Variants in ZER1 observed in about 807,000 individuals in gnomAD.
ZER1 encodes zyg-11 related cell cycle regulator.
In ZER1, 11 loss-of-function variants were observed where a neutral mutation model predicts 78.8. The ratio of observed to expected loss-of-function variants is 0.14; its 90% CI spans 0.09 to 0.23. The LOEUF is 0.23. Among genes scored for constraint, ZER1 ranks in the 10% least tolerant of loss-of-function variants. The pLI, the probability that ZER1 is intolerant of heterozygous loss-of-function variation, is 1.00. For missense variants in ZER1, 588 were observed against 996.9 expected, an observed-to-expected ratio of 0.59 and a Z score of 5.52; for synonymous variants, 400 against 407.0, an observed-to-expected ratio of 0.98 and a Z score of 0.21.
rs765010330 is a variant in ZER1, at chr9:128,731,408, G to A, written c.2244-14C>T. The A allele has an allele frequency of 1.9e-6, 3 of 1,609,732 alleles. No individual in the cohort carries two copies. The highest frequency in any genetic ancestry group is 2.7e-5 in the African/African-American group (2 of 74,718). ...TCAATCACCTTGCTGGAGACAATGG[G>A]GGAGACAGGATTGGAGGGTGGGCTT... On this transcript the variant is annotated splice_polypyrimidine_tract_variant and intron_variant, in intron 15 of 15. Transcript: ENST00000291900.
Position 128,740,076 on chromosome 9 carries a change from T to C in ZER1, c.1897A>G (p.Asn633Asp). 6.2e-7 allele frequency: 1 copy of C among 1,613,428 alleles called. No homozygotes were observed. Among genetic ancestry groups the C allele is most frequent in the Non-Finnish European group, 8.5e-7 (1 of 1,179,482 alleles). Residue 633 changes from asparagine (N) to aspartate (D), a missense_variant, in exon 13 of 16, where the codon AAT (asparagine) becomes GAT (aspartate). Asn to Asp is a conservative substitution (Grantham distance 23). Around this residue, in one of 3 missense-constraint regions of ZER1, gnomAD observed 60 missense variants for 163.3 expected, o/e 0.37. Transcript: ENST00000291900. This position sits in a 1 kb window ranked among gnomAD's most constrained non-coding sequence, Gnocchi z 4.4. ...ATGTGGGAGAGGACGCCGCAGGCAT[T>C]GTAGGAAACCTCGATCCCATCGGCC... ...SKADGIEVSY[N>D]ACGVLSHIMF...
Position 128,753,157 on chromosome 9 carries a change from A to C in ZER1, c.746+7T>G. On this transcript the variant is annotated splice_region_variant and intron_variant, in intron 4 of 15. Coordinates refer to ENST00000291900, the MANE Select transcript of ZER1 (RefSeq NM_006336.4). This position sits in a 1 kb window ranked among gnomAD's most constrained non-coding sequence, Gnocchi z 7.5. ...CCACCCTGGTGAGCTCTGGGCCAGGAGCTCACCGCAGCTTGTGCAGCTGCA... is the reference window on the plus strand; with the variant it reads ...CCACCCTGGTGAGCTCTGGGCCAGGCGCTCACCGCAGCTTGTGCAGCTGCA... 1 of 1,526,078 alleles carries C rather than the reference A, an allele frequency of 6.6e-7. No individual in the cohort carries two copies. The highest frequency in any genetic ancestry group is 8.8e-7 in the Non-Finnish European group (1 of 1,133,782). 94.5% of individuals were successfully genotyped at this position (1,526,078 alleles called of 1,614,324 possible). A position where few individuals can be genotyped will look rare whatever the true frequency, so the allele number is the denominator to read the frequency against.
At chr9:128,735,908 A>G (rs1389738123) in intron 13 of ZER1, among the ~76,000 whole-genome samples, 2 of 148,470 alleles carry the variant, frequency 1.3e-5, no homozygotes, top group Admixed American at 6.8e-5. Context: ...CTCCTGAGTA[A>G]CTGAGACTAC....
chr9:128,747,231 A>G (rs1863523926), intron 8 of ZER1, among the ~76,000 whole-genome samples: 1 of 152,146 alleles, frequency 6.6e-6, no homozygotes, highest in Non-Finnish European at 1.5e-5. Flanking sequence ...ACACACACAT[A>G]CTGCCCCTGA....
chr9:128,742,769 G>A (rs762675056), intron 8 of ZER1, 24 bp from the exon 9 acceptor site: 2 of 1,579,680 alleles, frequency 1.3e-6, no homozygotes, highest in Non-Finnish European at 1.7e-6. Flanking sequence ...GGACACAAGT[G>A]GGGCACATTC....
intron 8 of ZER1, among the ~76,000 whole-genome samples, chr9:128,748,183 A>T (rs1589529219): frequency 6.6e-6 from 1 of 152,052 alleles, no homozygotes; most frequent in Non-Finnish European, 1.5e-5. Context: ...ACGCAGGCGG[A>T]TCATGAGGTC....
chr9:128,747,767 C>T (rs576579041), intron 8 of ZER1, among the ~76,000 whole-genome samples: 7 of 152,136 alleles, frequency 4.6e-5, no homozygotes, highest in Admixed American at 3.3e-4. Flanking sequence ...TACAGGCACC[C>T]GCCAGTATGC....
intron 1 of ZER1, among the ~76,000 whole-genome samples, chr9:128,769,031 C>T (rs190450323): frequency 2.0e-5 from 3 of 152,204 alleles, no homozygotes; most frequent in South Asian, 4.1e-4. Context: ...CCTCCCAAAG[C>T]GCTGGCAGTG....
In ZER1 at chr9:128,753,791, T is replaced by C. The variant is rs747818684; in HGVS notation, c.309+18A>G. The C allele has an allele frequency of 1.1e-5, 17 of 1,547,418 alleles. No individual in the cohort carries two copies. The Middle Eastern group carries it at 5.3e-4, about 49-fold the overall frequency. Reference sequence around the variant, plus strand: ...CTTGGTGTGGGCCCTCCTGGCGCTGTGGCGGGGCAGGTCTCACCTGCTTGC... The same window carrying C: ...CTTGGTGTGGGCCCTCCTGGCGCTGCGGCGGGGCAGGTCTCACCTGCTTGC... On this transcript the variant is annotated intron_variant, in intron 3 of 15. Transcript: ENST00000291900. This position sits in a 1 kb window ranked among gnomAD's most constrained non-coding sequence, Gnocchi z 7.5.
chr9:128,765,667 C>T (rs190001922), intron 1 of ZER1, among the ~76,000 whole-genome samples: 2 of 152,240 alleles, frequency 1.3e-5, no homozygotes, highest in Admixed American at 6.5e-5. Context: ...GAAATATTAA[C>T]CTAGGAGCTG....
At chr9:128,735,605 G>GCC in intron 13 of ZER1, among the ~76,000 whole-genome samples, 174 bp from the exon 14 acceptor site, 1 of 152,162 alleles carries the variant, frequency 6.6e-6, no homozygotes, top group South Asian at 2.1e-4. Context: ...GCACAACAAG[G>GCC]TTCCCTTGGA....
intron 13 of ZER1, among the ~76,000 whole-genome samples, chr9:128,737,998 C>T (rs1464090359): frequency 5.3e-5 from 8 of 151,600 alleles, no homozygotes; most frequent in South Asian, 4.2e-4. Flanking sequence ...CCACTGTGCC[C>T]GGCCCTGTTT....
chr9:128,755,618 G>A lies in ZER1; in HGVS notation c.-53C>T. Reference sequence around the variant, plus strand: ...AGGACAAGGATCCCCAGGGGCAACAGTGATTCCTGAATACTCACAGGATCA... The same window carrying A: ...AGGACAAGGATCCCCAGGGGCAACAATGATTCCTGAATACTCACAGGATCA... On this transcript the variant is annotated 5_prime_UTR_variant, in exon 2 of 16. Coordinates refer to ENST00000291900, the MANE Select transcript of ZER1 (RefSeq NM_006336.4). This position sits in a 1 kb window ranked among gnomAD's most constrained non-coding sequence, Gnocchi z 5.6. The A allele has an allele frequency of 1.3e-6, 2 of 1,587,694 alleles. No homozygotes were observed. Among genetic ancestry groups the A allele is most frequent in the Non-Finnish European group, 8.6e-7 (1 of 1,160,210 alleles).
At chr9:128,737,325 T>G (rs1202480104) in intron 13 of ZER1, among the ~76,000 whole-genome samples, 1 of 152,092 alleles carries the variant, frequency 6.6e-6, no homozygotes, top group Admixed American at 6.6e-5. Context: ...TGGGCCAGCC[T>G]GGAGTCATGG....
At chr9:128,743,877 C>CCTCCAATG (rs1369959447) in intron 8 of ZER1, among the ~76,000 whole-genome samples, 1 of 147,270 alleles carries the variant, frequency 6.8e-6, no homozygotes, top group Non-Finnish European at 1.5e-5. Flanking sequence ...ATTACAGGCG[C>CCTCCAATG]CTCCAATGGC....
At chr9:128,741,440 G>A (rs981702357) in intron 11 of ZER1, 95 bp downstream of exon 11, 1 of 1,564,522 alleles carries the variant, frequency 6.4e-7, no homozygotes, top group Non-Finnish European at 8.8e-7. Context: ...GCATGGGTGA[G>A]GGGTGCTGCG....
At chr9:128,767,146 T>G (rs1005147779) in intron 1 of ZER1, among the ~76,000 whole-genome samples, 1 of 152,014 alleles carries the variant, frequency 6.6e-6, no homozygotes, top group Non-Finnish European at 1.5e-5. Flanking sequence ...TTTTGCCATG[T>G]TGGCCAGGCT....
intron 15 of ZER1, 85 bp from the exon 16 acceptor site, chr9:128,731,479 T>TAAAC (rs1459153505): frequency 5.4e-6 from 6 of 1,119,202 alleles, no homozygotes; most frequent in Non-Finnish European, 7.9e-6. Flanking sequence ...GGCAGCTGGG[T>TAAAC]AAACACGTGT....
chr9:128,769,751 C>G (rs561117202), intron 1 of ZER1, among the ~76,000 whole-genome samples: 2 of 152,104 alleles, frequency 1.3e-5, no homozygotes, highest in Admixed American at 6.6e-5. Context: ...AAAAAGGTCC[C>G]GTGCCCACCT....
Sources: allele counts gnomAD v4.1 joint callset (sites outside exome capture counted in the v4.1 genomes callset), GRCh38; gene constraint gnomAD v4.1.1; regional missense constraint gnomAD v4.1.1; non-coding constraint Gnocchi (gnomAD v3.1); transcripts MANE v1.5; gene names NCBI Gene and HGNC (gene_info 2026-07-23, HGNC 2026-07-21).